The following ACVR1B variants were observed in gnomAD, a reference collection of about 807,000 sequenced individuals.
ACVR1B encodes the protein activin A receptor type 1B.
Under a neutral mutation model 55.6 loss-of-function variants are expected in ACVR1B, and 15 were observed. The observed-to-expected ratio is 0.27, with a 90% CI of 0.18 to 0.42. The LOEUF (loss-of-function observed/expected upper bound fraction) is 0.42, where lower values mean the gene tolerates loss of function less well. ACVR1B is among the 10% of genes least tolerant of loss of function. The probability of loss-of-function intolerance (pLI) is 1.00; values close to 1 mark genes in which losing one functional copy is unlikely to be tolerated. For synonymous variants in ACVR1B, 247 were observed against 254.6 expected (o/e 0.97, Z 0.28); for missense variants, 359 against 670.1 (o/e 0.54, Z 5.13).
intron 3 of ACVR1B, 99 bp from the exon 4 acceptor site, chr12:51,980,870 C>A: frequency 2.1e-6 from 2 of 958,094 alleles, no homozygotes; most frequent in Admixed American, 2.7e-5. Context: ...AGGATGAAGA[C>A]ACCATGTTAA....
intron 7 of ACVR1B, among the ~76,000 whole-genome samples, chr12:51,991,317 T>C (rs1942187686): frequency 6.6e-6 from 1 of 152,240 alleles, no homozygotes; most frequent in Non-Finnish European, 1.5e-5. Flanking sequence ...TGGTGCCTTT[T>C]GATGTGACCC....
chr12:51,983,043 G>A (rs1021523989), intron 4 of ACVR1B, among the ~76,000 whole-genome samples: 2 of 152,160 alleles, frequency 1.3e-5, no homozygotes, highest in Non-Finnish European at 2.9e-5. Context: ...GCTTGTGTGA[G>A]TAGGGATCTG....
intron 3 of ACVR1B, among the ~76,000 whole-genome samples, chr12:51,979,015 T>C (rs1053661647): frequency 2.0e-5 from 3 of 149,056 alleles, no homozygotes; most frequent in Admixed American, 2.0e-4. Flanking sequence ...TACAAAAAAT[T>C]AGCCGGGTGT....
At chr12:51,988,228 T>C (rs934924729) in intron 7 of ACVR1B, among the ~76,000 whole-genome samples, 14 of 152,182 alleles carry the variant, frequency 9.2e-5, no homozygotes, top group Admixed American at 6.5e-4. Flanking sequence ...CCCAGCACTT[T>C]GGGAGGCCAA....
chr12:51,985,436 G>A, intron 6 of ACVR1B, 88 bp downstream of exon 6: 1 of 1,470,818 alleles, frequency 6.8e-7, no homozygotes, highest in African/African-American at 1.4e-5. Flanking sequence ...GGAGAAGGAG[G>A]TGTTGAAAAA....
intron 4 of ACVR1B, 61 bp from the exon 5 acceptor site, chr12:51,983,938 A>G: frequency 6.3e-7 from 1 of 1,582,406 alleles, no homozygotes; most frequent in Non-Finnish European, 8.7e-7. Context: ...CATCCTTACC[A>G]ACCTTCACTG....
chr12:51,967,225 G>A (rs887350832), intron 1 of ACVR1B, among the ~76,000 whole-genome samples: 12 of 146,968 alleles, frequency 8.2e-5, no homozygotes, highest in South Asian at 4.4e-4. Flanking sequence ...GGGCGACAGC[G>A]CGAGACTCCG....
intron 1 of ACVR1B, among the ~76,000 whole-genome samples, chr12:51,962,665 A>G (rs1451667672): frequency 3.3e-5 from 5 of 152,112 alleles, no homozygotes; most frequent in Non-Finnish European, 7.4e-5. Context: ...TTTTGTGAAC[A>G]GTTTAGTGCC....
intron 1 of ACVR1B, among the ~76,000 whole-genome samples, chr12:51,962,639 C>T (rs1389077696): frequency 6.6e-6 from 1 of 152,074 alleles, no homozygotes; most frequent in Non-Finnish European, 1.5e-5. Context: ...CCCAAGAAAG[C>T]CACACATTGC....
At chr12:51,966,142 G>A (rs1349983508) in intron 1 of ACVR1B, among the ~76,000 whole-genome samples, 1 of 152,176 alleles carries the variant, frequency 6.6e-6, no homozygotes, top group East Asian at 1.9e-4. Context: ...GTGAGGGATG[G>A]TAGGGATGGT....
intron 4 of ACVR1B, chr12:51,982,940 C>A (rs1048606126): frequency 1.1e-5 from 10 of 874,586 alleles, no homozygotes; most frequent in Non-Finnish European, 1.6e-5. Context: ...GGTTAGAGTG[C>A]GAGAAGCAGT....
intron 4 of ACVR1B, 101 bp downstream of exon 4, chr12:51,981,300 C>A: frequency 2.0e-6 from 2 of 1,017,436 alleles, no homozygotes; most frequent in South Asian, 1.7e-5. Flanking sequence ...CATTGTAACC[C>A]GTAGAAAGAA....
Position 51,994,390 on chromosome 12 carries a change from C to T in ACVR1B, c.*280C>T, listed in dbSNP as rs894897872. The T allele has an allele frequency of 3.0e-5, 11 of 367,444 alleles. No homozygotes were observed. Among genetic ancestry groups the T allele is most frequent in the South Asian group, 9.3e-5 (3 of 32,272 alleles). 22.8% of individuals were successfully genotyped at this position (367,444 alleles called of 1,614,324 possible). On this transcript the variant is annotated 3_prime_UTR_variant, in exon 9 of 9. Coordinates refer to ENST00000257963, the MANE Select transcript of ACVR1B (RefSeq NM_004302.5). This position sits in a 1 kb window ranked among gnomAD's most constrained non-coding sequence, Gnocchi z 4.2. ...TCGAACTGGTTGTAGTGGGAAGTCC[C>T]GCGAAACCCGGTGCATCTGGCACGT... is the stretch of plus-strand genomic sequence containing the variant.
At chr12:51,993,715 C>T (rs1009322663) in intron 8 of ACVR1B, among the ~76,000 whole-genome samples, 1 of 122,508 alleles carries the variant, frequency 8.2e-6, no homozygotes, top group African/African-American at 3.1e-5. Context: ...TGCGGTGAGC[C>T]AAGATTGCGC....
rs1941699139 is a variant in ACVR1B, at chr12:51,969,245, A to ATTAC, written c.92-6020_92-6019insTTAC. The stretch of plus-strand genomic sequence containing the variant: ...TTGGAGTAATTTGTTATATGGCCAT[A>ATTAC]GTAACTGGGACAATGTTATTTTTCT... On this transcript the variant is annotated intron_variant, in intron 1 of 8. Coordinates refer to ENST00000257963, the MANE Select transcript of ACVR1B (RefSeq NM_004302.5). 2.0e-5 allele frequency among the ~76,000 whole-genome samples: 3 copies of ATTAC among 152,308 alleles called. No individual in the cohort carries two copies. The East Asian group carries it at 5.8e-4, about 29-fold the overall frequency.
intron 3 of ACVR1B, among the ~76,000 whole-genome samples, chr12:51,979,182 A>AG (rs1175057889): frequency 6.8e-6 from 1 of 147,096 alleles, no homozygotes; most frequent in African/African-American, 2.5e-5. Flanking sequence ...AAAAAAAAAA[A>AG]AGGCCAGGCA....
At chr12:51,967,464 C>CAGG (rs1016644092) in intron 1 of ACVR1B, among the ~76,000 whole-genome samples, 15 of 152,138 alleles carry the variant, frequency 9.9e-5, no homozygotes, top group Non-Finnish European at 1.8e-4. Context: ...GAGGCTGAGG[C>CAGG]AGGAGAATCG....
intron 1 of ACVR1B, 122 bp downstream of exon 1, chr12:51,951,956 G>A (rs911917334): frequency 2.0e-6 from 1 of 495,962 alleles, no homozygotes; most frequent in Non-Finnish European, 3.1e-6. Flanking sequence ...GGCCGGGTGG[G>A]GGGCGCAGAG....
At chr12:51,952,312 A>G (rs1056170267) in intron 1 of ACVR1B, among the ~76,000 whole-genome samples, 2 of 152,062 alleles carry the variant, frequency 1.3e-5, no homozygotes, top group Non-Finnish European at 2.9e-5. Flanking sequence ...TGATGTTGAG[A>G]GTCCGCGCAC....
Sources: allele counts gnomAD v4.1 joint callset (sites outside exome capture counted in the v4.1 genomes callset), GRCh38; gene constraint gnomAD v4.1.1; non-coding constraint Gnocchi (gnomAD v3.1); transcripts MANE v1.5; gene names NCBI Gene and HGNC (gene_info 2026-07-23, HGNC 2026-07-21).